Variants in RFX8 observed in about 807,000 individuals in gnomAD.
The protein encoded by RFX8 is regulatory factor X8.
A neutral mutation model predicts 54.6 loss-of-function variants in RFX8; 46 were observed. The observed-to-expected ratio is 0.84, with a 90% CI of 0.67 to 1.08. The LOEUF is 1.08. Among genes scored for constraint, RFX8 ranks in the 50% least tolerant of loss-of-function variants. The pLI, the probability that RFX8 is intolerant of heterozygous loss-of-function variation, is 0.00. For synonymous variants in RFX8, 192 were observed against 209.5 expected, an observed-to-expected ratio of 0.92 and a Z score of 0.72; for missense variants, 536 against 562.3, an observed-to-expected ratio of 0.95 and a Z score of 0.47.
At chr2:101,415,945 C>T (rs1468884660) in intron 6 of RFX8, among the ~76,000 whole-genome samples, 1 of 152,192 alleles carries the variant, frequency 6.6e-6, no homozygotes, top group Non-Finnish European at 1.5e-5. Flanking sequence ...GGAGGCAGTC[C>T]AAGCATAGAA....
intron 2 of RFX8, among the ~76,000 whole-genome samples, chr2:101,461,398 T>A (rs1387127833): frequency 6.6e-6 from 1 of 152,120 alleles, no homozygotes; most frequent in Admixed American, 6.5e-5. Context: ...TTCTGACAAC[T>A]TCATCTCCTC....
intron 2 of RFX8, among the ~76,000 whole-genome samples, chr2:101,463,450 A>T (rs2148990447): frequency 6.6e-6 from 1 of 152,286 alleles, no homozygotes; most frequent in East Asian, 1.9e-4. Flanking sequence ...CTGTGGGTTC[A>T]GCCGGCTCAT....
intron 2 of RFX8, among the ~76,000 whole-genome samples, chr2:101,434,080 A>C (rs1687638893): frequency 6.6e-6 from 1 of 151,588 alleles, no homozygotes; most frequent in African/African-American, 2.4e-5. Flanking sequence ...TCTCATGAAC[A>C]CCTGTTAGTA....
chr2:101,457,185 GT>G (rs1341941719), intron 2 of RFX8, among the ~76,000 whole-genome samples: 2 of 152,124 alleles, frequency 1.3e-5, no homozygotes, highest in South Asian at 2.1e-4. Context: ...TTTTTGAAGG[GT>G]TTTTTGTGTC....
rs141939839 is a variant in RFX8 at position 101,419,100 on chromosome 2, C to A, written c.238-136G>T. The A allele has an allele frequency of 1.0e-3, 609 of 602,392 alleles. 2 individuals carry two copies. The highest frequency in any genetic ancestry group is 9.8e-3 in the African/African-American group (528 of 53,626). 37.3% of individuals were successfully genotyped at this position (602,392 alleles called of 1,614,324 possible). ...CCAGTGCGTGTAAAGCTTTGCCTCT[C>A]AGCTTTTCCAAGCTGTATTTTGATA... On this transcript the variant is annotated intron_variant, in intron 4 of 11. Coordinates refer to ENST00000428343, the MANE Select transcript of RFX8 (RefSeq NM_001145664.2).
chr2:101,408,042 G>A (rs975577846), intron 9 of RFX8, among the ~76,000 whole-genome samples: 1 of 152,192 alleles, frequency 6.6e-6, no homozygotes, highest in Admixed American at 6.5e-5. Flanking sequence ...TCAAAGGCAC[G>A]CAGTTACAAA....
Position 101,466,872 on chromosome 2 carries a change from C to A in RFX8, c.-24G>T. 1 of 1,537,016 alleles carries A rather than the reference C, an allele frequency of 6.5e-7. No homozygotes were observed. Among genetic ancestry groups the A allele is most frequent in the Non-Finnish European group, 8.8e-7 (1 of 1,133,686 alleles). On this transcript the variant is annotated 5_prime_UTR_variant, in exon 2 of 12. Transcript: ENST00000428343. ...ATGAGACAGCGAGGGACGCTGCACT[C>A]TTCGCAAATGCAGAAGTTGTCGACC...
chr2:101,472,421 A>G (rs1303837483), intron 1 of RFX8, among the ~76,000 whole-genome samples: 2 of 152,056 alleles, frequency 1.3e-5, no homozygotes, highest in Non-Finnish European at 2.9e-5. Context: ...TGTTAAACAT[A>G]CCACCTCATC....
intron 1 of RFX8, chr2:101,474,307 G>A: frequency 2.1e-6 from 1 of 470,344 alleles, no homozygotes; most frequent in Non-Finnish European, 3.7e-6. Flanking sequence ...CACCGAGGCA[G>A]GCAGCGAGCG....
At chr2:101,417,505 C>A in intron 6 of RFX8, 29 bp downstream of exon 6, 1 of 1,537,684 alleles carries the variant, frequency 6.5e-7, no homozygotes, top group Non-Finnish European at 8.8e-7. Context: ...TGTGCCAGCC[C>A]AGAATTTATT....
At chr2:101,460,785 G>A (rs1273952639) in intron 2 of RFX8, among the ~76,000 whole-genome samples, 1 of 150,534 alleles carries the variant, frequency 6.6e-6, no homozygotes, top group African/African-American at 2.4e-5. Flanking sequence ...GGGATTTGAT[G>A]GAAATGTGAA....
At chr2:101,466,978 C>A in intron 1 of RFX8, 78 bp from the exon 2 acceptor site, 1 of 695,126 alleles carries the variant, frequency 1.4e-6, no homozygotes, top group South Asian at 1.6e-5. Context: ...AATCAATGGT[C>A]AAGATGTGTA....
chr2:101,448,128 G>A (rs906687865), intron 2 of RFX8, among the ~76,000 whole-genome samples: 1 of 152,186 alleles, frequency 6.6e-6, no homozygotes, highest in Non-Finnish European at 1.5e-5. Flanking sequence ...TCTTAAGATT[G>A]TTGCATTGGG....
chr2:101,437,059 C>A (rs2310112), intron 2 of RFX8, among the ~76,000 whole-genome samples: 111,545 of 151,924 alleles, frequency 0.73, 42,385 homozygotes, highest in Middle Eastern at 0.88. Context: ...GTCATGATGT[C>A]TTTTCCTGAA....
At chr2:101,471,775 C>A (rs576208707) in intron 1 of RFX8, among the ~76,000 whole-genome samples, 1 of 152,372 alleles carries the variant, frequency 6.6e-6, no homozygotes, top group African/African-American at 2.4e-5. Context: ...TGGGGCCTTT[C>A]TCCTGGGAGA....
chr2:101,404,607 C>T (rs888369381), intron 10 of RFX8, among the ~76,000 whole-genome samples: 24 of 148,610 alleles, frequency 1.6e-4, no homozygotes, highest in African/African-American at 4.9e-4. Flanking sequence ...TTTTTTTTTT[C>T]GTAGTGACAG....
At chr2:101,473,329 G>A (rs1690115695) in intron 1 of RFX8, among the ~76,000 whole-genome samples, 1 of 152,180 alleles carries the variant, frequency 6.6e-6, no homozygotes, top group African/African-American at 2.4e-5. Flanking sequence ...GAGGGGCCTG[G>A]GTCGGTGAGT....
intron 1 of RFX8, among the ~76,000 whole-genome samples, chr2:101,469,041 T>A (rs11675370): frequency 0.01 from 211 of 20,898 alleles, 1 homozygote; most frequent in Non-Finnish European, 0.02. Context: ...CGTATATATA[T>A]GTATATATAT....
intron 7 of RFX8, among the ~76,000 whole-genome samples, chr2:101,414,166 T>A (rs1686341125): frequency 2.0e-5 from 3 of 152,186 alleles, no homozygotes; most frequent in Admixed American, 6.5e-5. Flanking sequence ...CACACACGGG[T>A]GAAGGGTGTG....
Sources: gnomAD v4.1 joint callset for allele counts (sites outside exome capture counted in the v4.1 genomes callset) on GRCh38, gnomAD v4.1.1 for gene constraint, MANE v1.5 for transcripts, NCBI Gene and HGNC (gene_info 2026-07-23, HGNC 2026-07-21) for gene names.